The following CDH23 variants were observed in gnomAD, a reference collection of about 807,000 sequenced individuals.
CDH23 encodes cadherin related 23, also known as cadherin-23.
In CDH23, 189 loss-of-function variants were observed where a neutral mutation model predicts 317.1. The observed-to-expected ratio is 0.60, with a 90% CI of 0.53 to 0.67. The LOEUF (loss-of-function observed/expected upper bound fraction) is 0.67, where lower values mean the gene tolerates loss of function less well. Ranked by LOEUF, CDH23 falls within the 30% of genes least tolerant of loss-of-function variation. CDH23 has a pLI of 0.00. For missense variants in CDH23, 4,401 were observed against 4,592.4 expected, an observed-to-expected ratio of 0.96 and a Z score of 1.20; for synonymous variants, 1,839 against 1,876.8, an observed-to-expected ratio of 0.98 and a Z score of 0.52.
intron 3 of CDH23, among the ~76,000 whole-genome samples, chr10:71,491,675 G>T (rs953032987): frequency 2.0e-5 from 3 of 152,160 alleles, no homozygotes; most frequent in African/African-American, 7.2e-5. Context: ...AGAGGATGAG[G>T]GTTTCAGCAA....
At chr10:71,617,602 C>CA in intron 11 of CDH23, 1 of 1,266,638 alleles carries the variant, frequency 7.9e-7, no homozygotes, top group Non-Finnish European at 1.1e-6. Flanking sequence ...AACATGTAAG[C>CA]ACATGTTTCC....
chr10:71,409,976 C>T (rs950465091), intron 1 of CDH23, among the ~76,000 whole-genome samples: 12 of 152,328 alleles, frequency 7.9e-5, no homozygotes, highest in Non-Finnish European at 1.5e-4. Context: ...TGGGCCCAAA[C>T]CCTAAATGAG....
At chr10:71,532,695 G>GT (rs1163689116) in intron 6 of CDH23, among the ~76,000 whole-genome samples, 4 of 118,672 alleles carry the variant, frequency 3.4e-5, no homozygotes, top group Non-Finnish European at 5.4e-5. Context: ...ATGTTGGCAA[G>GT]TTTTCTTTTG....
intron 6 of CDH23, among the ~76,000 whole-genome samples, chr10:71,553,681 C>A (rs1313957046): frequency 6.6e-6 from 1 of 152,174 alleles, no homozygotes; most frequent in African/African-American, 2.4e-5. Flanking sequence ...GCACCGCTTC[C>A]CATAGATGTA....
At chr10:71,473,209 T>C (rs1262587831) in intron 3 of CDH23, among the ~76,000 whole-genome samples, 1 of 152,200 alleles carries the variant, frequency 6.6e-6, no homozygotes, top group South Asian at 2.1e-4. Context: ...TCTTCCCTAC[T>C]GGAGAGGCGG....
intron 1 of CDH23, among the ~76,000 whole-genome samples, chr10:71,398,103 GC>G (rs1220175097): frequency 6.6e-6 from 1 of 152,206 alleles, no homozygotes; most frequent in East Asian, 1.9e-4. Flanking sequence ...GCGCCAGCCG[GC>G]GGGGACTCTG....
At chr10:71,717,231 G>A (rs369760375) in intron 28 of CDH23, 1 of 152,388 alleles carries the variant, frequency 6.6e-6, no homozygotes, top group East Asian at 1.9e-4. Context: ...CTGCATTGTG[G>A]GTCACAGTAG....
Position 71,785,670 on chromosome 10 carries a change from C to A in CDH23, c.5752C>A (p.Arg1918=). 6.2e-7 allele frequency: 1 copy of A among 1,607,546 alleles called. No individual in the cohort carries two copies. Among genetic ancestry groups the A allele is most frequent in the Non-Finnish European group, 8.5e-7 (1 of 1,177,118 alleles). The change falls in exon 44 of 70, where the codon CGG becomes AGG. Residue 1918 remains arginine, a synonymous_variant. Coordinates refer to ENST00000224721, the MANE Select transcript of CDH23 (RefSeq NM_022124.6). The part of the protein sequence containing the change: ...VTVNRPLDRE[R]IPEYKLTISV... ...TGTGAACCGGCCCCTGGACCGCGAG[C>A]GGATCCCAGAGTACAAGCTGACCAT... is the stretch of plus-strand genomic sequence containing the variant.
At chr10:71,505,144 A>G (rs977829982) in intron 3 of CDH23, among the ~76,000 whole-genome samples, 3 of 152,214 alleles carry the variant, frequency 2.0e-5, no homozygotes, top group African/African-American at 4.8e-5. Context: ...TCCAGGAAAC[A>G]CAAGTAGGGA....
intron 3 of CDH23, among the ~76,000 whole-genome samples, chr10:71,482,243 C>T (rs1257353277): frequency 1.3e-5 from 2 of 151,910 alleles, no homozygotes; most frequent in African/African-American, 4.8e-5. Flanking sequence ...TCCTTTTCTC[C>T]CTCTGTCTCT....
At chr10:71,570,167 C>T (rs1001261757) in intron 7 of CDH23, among the ~76,000 whole-genome samples, 3 of 152,174 alleles carry the variant, frequency 2.0e-5, no homozygotes, top group African/African-American at 7.2e-5. Context: ...CCAGATGTCA[C>T]AGACCCTGGA....
rs182099010 is a variant in CDH23, at chr10:71,566,460, G to C, written c.430-282G>C. 3.4e-4 allele frequency among the ~76,000 whole-genome samples: 52 copies of C among 152,164 alleles called. No individual in the cohort carries two copies. The South Asian group carries it at 9.0e-3, about 26-fold the overall frequency. On this transcript the variant is annotated intron_variant, in intron 6 of 69. Coordinates refer to ENST00000224721, the MANE Select transcript of CDH23 (RefSeq NM_022124.6). ...GAGGAAGCGAAACCACCAAGAAACA[G>C]GTTTGGGGACCGTAAGACCCCTCAT... is the stretch of plus-strand genomic sequence containing the variant.
chr10:71,600,776 A>G (rs1343302396), intron 9 of CDH23, among the ~76,000 whole-genome samples: 1 of 152,070 alleles, frequency 6.6e-6, no homozygotes, highest in African/African-American at 2.4e-5. Context: ...TCGGCCTCCC[A>G]AAGTGCTGGG....
Position 71,513,297 on chromosome 10 carries a change from T to C in CDH23, c.429+2085T>C, listed in dbSNP as rs74420079. 3.7e-3 allele frequency among the ~76,000 whole-genome samples: 557 copies of C among 152,228 alleles called. 2 individuals carry two copies. Among genetic ancestry groups the C allele is most frequent in the African/African-American group, 0.013 (538 of 41,532 alleles). On this transcript the variant is annotated intron_variant, in intron 6 of 69. Coordinates refer to ENST00000224721, the MANE Select transcript of CDH23 (RefSeq NM_022124.6). Reference sequence around the variant, plus strand: ...CTCCTGATCTGAGGTACCTTGACATTGACCAGCCCTTGCCTGGTGTGGTCA... The same window carrying C: ...CTCCTGATCTGAGGTACCTTGACATCGACCAGCCCTTGCCTGGTGTGGTCA...
intron 14 of CDH23, among the ~76,000 whole-genome samples, chr10:71,656,528 T>C (rs918289931): frequency 6.6e-6 from 1 of 152,082 alleles, no homozygotes; most frequent in Non-Finnish European, 1.5e-5. Flanking sequence ...AGGAGGCAGA[T>C]GATGAACAAG....
chr10:71,523,685 G>A (rs1854840198), intron 6 of CDH23, among the ~76,000 whole-genome samples: 1 of 152,204 alleles, frequency 6.6e-6, no homozygotes, highest in Non-Finnish European at 1.5e-5. Context: ...TCACTGGTGA[G>A]GGGCAGGAGG....
Position 71,407,676 on chromosome 10 carries a change from C to T in CDH23, c.-6+10358C>T, listed in dbSNP as rs544155362. ...GCCGTGCATCTTAGTCCTAAGCTGA[C>T]CTTAGCCTGGGCTTTCCGGGTCTCG... On this transcript the variant is annotated intron_variant, in intron 1 of 69. Coordinates refer to ENST00000224721, the MANE Select transcript of CDH23 (RefSeq NM_022124.6). Among the ~76,000 whole-genome samples the T allele has an allele frequency of 6.6e-5, 10 of 152,340 alleles. No individual in the cohort carries two copies. In the South Asian group the frequency reaches 2.1e-3, roughly 32 times the overall value.
intron 6 of CDH23, among the ~76,000 whole-genome samples, chr10:71,540,182 G>C (rs1225507911): frequency 1.3e-5 from 2 of 152,178 alleles, no homozygotes; most frequent in Non-Finnish European, 2.9e-5. Context: ...GATGGAGCTG[G>C]AGGGGGCCGA....
intron 3 of CDH23, chr10:71,508,089 G>A (rs1182510675): frequency 1.3e-5 from 2 of 152,216 alleles, no homozygotes; most frequent in African/African-American, 4.8e-5. Context: ...TGGAGAAGCT[G>A]CTTCACCTCT....
Sources: allele counts gnomAD v4.1 joint callset (sites outside exome capture counted in the v4.1 genomes callset), GRCh38; gene constraint gnomAD v4.1.1; transcripts MANE v1.5; gene names NCBI Gene and HGNC (gene_info 2026-07-23, HGNC 2026-07-21).